The following MFSD11 variants were observed in gnomAD, a reference collection of about 807,000 sequenced individuals.
MFSD11 encodes major facilitator superfamily domain containing 11, also known as UNC93-like protein MFSD11.
Under a neutral mutation model 53.5 loss-of-function variants are expected in MFSD11, and 36 were observed. The ratio of observed to expected loss-of-function variants is 0.67; its 90% CI spans 0.52 to 0.89. MFSD11 has a LOEUF of 0.89. Among genes scored for constraint, MFSD11 ranks in the 40% least tolerant of loss-of-function variants. The probability of loss-of-function intolerance (pLI) is 0.00; values close to 1 mark genes in which losing one functional copy is unlikely to be tolerated. For synonymous variants in MFSD11, 186 were observed against 184.9 expected, an observed-to-expected ratio of 1.01 and a Z score of -0.05; for missense variants, 530 against 543.9, an observed-to-expected ratio of 0.97 and a Z score of 0.25.
downstream of MFSD11, among the ~76,000 whole-genome samples, chr17:76,784,341 C>T (rs1305012255): frequency 6.6e-6 from 1 of 151,816 alleles, no homozygotes; most frequent in Non-Finnish European, 1.5e-5. Context: ...CGAGACCATC[C>T]TGGCCAACAC....
chr17:76,802,005 G>A, the MFSD11 span, among the ~76,000 whole-genome samples: 1 of 151,234 alleles, frequency 6.6e-6, no homozygotes, highest in Non-Finnish European at 1.5e-5. Context: ...GGCTGGGCAC[G>A]GTGGCTCACA....
In MFSD11 at chr17:76,741,644, C is replaced by T. The variant is rs532317900; in HGVS notation, c.261-325C>T. ...CTACCAAAAATAAAAAAAAATTAGC[C>T]GGGCTTGGTGGCACATGCCTGTAGT... On this transcript the variant is annotated intron_variant, in intron 3 of 12. Transcript: ENST00000685175. Among the ~76,000 whole-genome samples the T allele has an allele frequency of 1.2e-4, 18 of 152,060 alleles. No homozygotes were observed. In the East Asian group the frequency reaches 1.7e-3, roughly 15 times the overall value.
Position 76,738,412 on chromosome 17 carries a change from T to C in MFSD11, c.60T>C (p.Phe20=), listed in dbSNP as rs1859594700. The change falls in exon 1 of 13, where the codon TTT becomes TTC. Residue 20 remains phenylalanine, a synonymous_variant. Transcript: ENST00000685175. The part of the protein sequence containing the change: ...NIIILGVAFM[F]MFTAFQTCGN... ...TTATTTTAGGAGTTGCCTTTATGTT[T>C]ATGTTCACTGCCTTTCAAACTTGTG... 6.2e-7 allele frequency: 1 copy of C among 1,614,080 alleles called. No homozygotes were observed. Among genetic ancestry groups the C allele is most frequent in the Non-Finnish European group, 8.5e-7 (1 of 1,180,002 alleles).
chr17:76,758,590 A>AG (rs1277439871), intron 8 of MFSD11, among the ~76,000 whole-genome samples: 1 of 151,718 alleles, frequency 6.6e-6, no homozygotes, highest in African/African-American at 2.4e-5. Context: ...TCAAAAAAAA[A>AG]AAAAAAAAAA....
intron 7 of MFSD11, among the ~76,000 whole-genome samples, chr17:76,748,528 A>T (rs1171989277): frequency 6.6e-6 from 1 of 151,896 alleles, no homozygotes. Flanking sequence ...CTACTTAAAA[A>T]AAAAAAAAAT....
chr17:76,749,631 C>T (rs547925021), intron 7 of MFSD11, among the ~76,000 whole-genome samples: 6 of 151,202 alleles, frequency 4.0e-5, no homozygotes, highest in Admixed American at 1.3e-4. Flanking sequence ...GTGACTTAAA[C>T]CTGTAATTCC....
At chr17:76,794,408 TG>T in the MFSD11 span, among the ~76,000 whole-genome samples, 1 of 142,356 alleles carries the variant, frequency 7.0e-6, no homozygotes, top group Non-Finnish European at 1.5e-5. Context: ...ACCCAGGAGG[TG>T]GAGGTTGCAG....
At chr17:76,742,569 C>G (rs1055507995) in intron 5 of MFSD11, among the ~76,000 whole-genome samples, 4 of 151,556 alleles carry the variant, frequency 2.6e-5, no homozygotes, top group African/African-American at 9.7e-5. Context: ...ATGGCACGAT[C>G]TCGGCTTACT....
At chr17:76,739,899 G>A (rs1014446195) in intron 2 of MFSD11, among the ~76,000 whole-genome samples, 1 of 152,132 alleles carries the variant, frequency 6.6e-6, no homozygotes, top group Non-Finnish European at 1.5e-5. Flanking sequence ...GGGTGCGGGG[G>A]CTCACGCCTG....
chr17:76,770,581 A>C (rs1296908839), intron 10 of MFSD11, among the ~76,000 whole-genome samples: 2 of 152,308 alleles, frequency 1.3e-5, no homozygotes, highest in East Asian at 3.9e-4. Context: ...TTAAGGGTTC[A>C]GTCCTACAGA....
Position 76,769,871 on chromosome 17 carries a change from G to T in MFSD11, c.874G>T (p.Gly292Cys), listed in dbSNP as rs749375183. ...TTTCATCGGCATTGGAGAAATTTTA[G>T]GTTGGTTTTAAAAAAAAGCGTTTGC... ...GIFIGIGEIL[G>C]GSLFGLLSKN... Residue 292 changes from glycine (G) to cysteine (C), a missense_variant and splice_region_variant, in exon 10 of 13, where the codon GGT (glycine) becomes TGT (cysteine). Gly to Cys is a radical substitution (Grantham distance 159). Coordinates refer to ENST00000685175, the MANE Select transcript of MFSD11 (RefSeq NM_001242532.5). 53 of 1,602,668 alleles carry T rather than the reference G, an allele frequency of 3.3e-5. No homozygotes were observed. The highest frequency in any genetic ancestry group is 4.4e-5 in the Non-Finnish European group (52 of 1,177,480).
the MFSD11 span, among the ~76,000 whole-genome samples, chr17:76,802,943 G>C: frequency 1.3e-5 from 2 of 151,974 alleles, no homozygotes; most frequent in Non-Finnish European, 2.9e-5. Context: ...CCAAAGCGAG[G>C]CCAGGAGATC....
At chr17:76,775,789 G>A (rs950501733) in intron 11 of MFSD11, among the ~76,000 whole-genome samples, 2 of 152,110 alleles carry the variant, frequency 1.3e-5, no homozygotes. Flanking sequence ...TACCTAACTG[G>A]TCAGTGTAAT....
chr17:76,786,365 G>A (rs1047908877), downstream of MFSD11, among the ~76,000 whole-genome samples: 3 of 151,866 alleles, frequency 2.0e-5, no homozygotes, highest in Non-Finnish European at 4.4e-5. Context: ...GGCTGGTCTC[G>A]AACTGACCTC....
intron 6 of MFSD11, among the ~76,000 whole-genome samples, chr17:76,743,765 C>T (rs986787676): frequency 6.6e-6 from 1 of 152,080 alleles, no homozygotes; most frequent in Non-Finnish European, 1.5e-5. Context: ...TACAGGCCTG[C>T]ACCACCACGC....
chr17:76,741,859 C>A (rs1668167646), intron 3 of MFSD11, 110 bp from the exon 4 acceptor site: 3 of 1,529,676 alleles, frequency 2.0e-6, no homozygotes, highest in Admixed American at 3.9e-5. Context: ...CGATCCTTTA[C>A]AGGTTGAGTT....
the MFSD11 span, among the ~76,000 whole-genome samples, chr17:76,793,608 A>G: frequency 4.0e-5 from 6 of 151,474 alleles, no homozygotes; most frequent in Non-Finnish European, 8.8e-5. Context: ...AGATGACAGG[A>G]TTGAGATTAA....
intron 5 of MFSD11, 103 bp downstream of exon 5, chr17:76,742,376 G>T: frequency 1.1e-6 from 1 of 914,590 alleles, no homozygotes; most frequent in South Asian, 1.6e-5. Flanking sequence ...CATGTTACGT[G>T]ACTTAAGTTC....
chr17:76,795,534 T>C, the MFSD11 span, among the ~76,000 whole-genome samples: 2 of 152,078 alleles, frequency 1.3e-5, no homozygotes, highest in African/African-American at 4.8e-5. Context: ...GTGTGTAGGT[T>C]ATATGCAAAT....
Sources: allele counts gnomAD v4.1 joint callset (sites outside exome capture counted in the v4.1 genomes callset), GRCh38; gene constraint gnomAD v4.1.1; transcripts MANE v1.5; gene names NCBI Gene and HGNC (gene_info 2026-07-23, HGNC 2026-07-21).